Variants in SNTG1 observed in about 807,000 individuals in gnomAD.
SNTG1 encodes the protein syntrophin gamma 1, also known as gamma-1-syntrophin.
A neutral mutation model predicts 74.7 loss-of-function variants in SNTG1; 39 were observed. The ratio of observed to expected loss-of-function variants is 0.52; its 90% confidence interval spans 0.40 to 0.68. SNTG1 has a LOEUF of 0.68. SNTG1 is among the 30% of genes least tolerant of loss of function. SNTG1 has a pLI of 0.00. For missense variants in SNTG1, 685 were observed against 609.5 expected, an observed-to-expected ratio of 1.12 and a Z score of -1.30; for synonymous variants, 254 against 217.1, an observed-to-expected ratio of 1.17 and a Z score of -1.49.
At chr8:50,215,709 G>A (rs2131946832) in intron 2 of SNTG1, among the ~76,000 whole-genome samples, 1 of 151,992 alleles carries the variant, frequency 6.6e-6, no homozygotes, top group Admixed American at 6.6e-5. Context: ...CTTTCAAAAA[G>A]ATTATAGGCA....
At chr8:50,672,273 A>C (rs1230276921) in intron 15 of SNTG1, among the ~76,000 whole-genome samples, 1 of 152,102 alleles carries the variant, frequency 6.6e-6, no homozygotes, top group Non-Finnish European at 1.5e-5. Flanking sequence ...GTGTTCCAAA[A>C]TGGTTGAACT....
intron 13 of SNTG1, among the ~76,000 whole-genome samples, chr8:50,640,433 C>A (rs958259443): frequency 6.6e-6 from 1 of 152,160 alleles, no homozygotes; most frequent in African/African-American, 2.4e-5. Context: ...TCCTGCAGTT[C>A]TCTCAAGTGG....
Position 50,260,528 on chromosome 8 carries a change from G to GACAC in SNTG1, c.-28+87904_-28+87907dup, listed in dbSNP as rs66958047. On this transcript the variant is annotated intron_variant, in intron 2 of 18. Transcript: ENST00000642720. The stretch of plus-strand genomic sequence containing the variant: ...AGCTTTTAACACACACACACACACA[G>GACAC]ACACACACACACACTACACAGTATT... Among the ~76,000 whole-genome samples the GACAC allele has an allele frequency of 2.7e-3, 305 of 114,652 alleles. 3 individuals carry two copies. The highest frequency in any genetic ancestry group is 0.01 in the South Asian group (38 of 3,726). 75.2% of individuals were successfully genotyped at this position (114,652 alleles called of 152,430 possible).
Position 50,224,403 on chromosome 8 carries a change from G to A in SNTG1, c.-28+51768G>A, listed in dbSNP as rs2085225825. Among the ~76,000 whole-genome samples, 2 of 152,270 alleles carry A rather than the reference G, an allele frequency of 1.3e-5. 1 individual carries two copies. The highest frequency in any genetic ancestry group is 4.1e-4 in the South Asian group (2 of 4,832). On this transcript the variant is annotated intron_variant, in intron 2 of 18. Coordinates refer to ENST00000642720, the MANE Select transcript of SNTG1 (RefSeq NM_018967.5). ...AACAAACAGACATGCTTTTACTAAA[G>A]AGCATATGGCTAATCTGTCATGCAG...
In SNTG1 at chr8:50,119,016, C is replaced by A. The variant is rs139030201; in HGVS notation, c.-102-53545C>A. Among the ~76,000 whole-genome samples the A allele has an allele frequency of 6.8e-4, 96 of 140,838 alleles. 11 individuals carry two copies. The East Asian group carries it at 0.018, about 27-fold the overall frequency. The allele number at this position is 140,838 out of a possible 152,430, so 92.4% of individuals were successfully genotyped here. ...CACTGGCTCACAGAAACTAATGAAG[C>A]TTTGGCCCTCCAAACTGCTGTGGTG... is the stretch of plus-strand genomic sequence containing the variant. On this transcript the variant is annotated intron_variant, in intron 1 of 18. Coordinates refer to ENST00000642720, the MANE Select transcript of SNTG1 (RefSeq NM_018967.5).
intron 13 of SNTG1, among the ~76,000 whole-genome samples, chr8:50,598,509 C>A (rs553742259): frequency 6.6e-6 from 1 of 151,782 alleles, no homozygotes; most frequent in Non-Finnish European, 1.5e-5. Context: ...AAAGTCATGT[C>A]GTGTGATGCC....
In SNTG1 at chr8:50,161,745, G is replaced by A. The variant is rs529978713; in HGVS notation, c.-102-10816G>A. 9.4e-4 allele frequency among the ~76,000 whole-genome samples: 142 copies of A among 151,746 alleles called. 1 individual carries two copies. Among genetic ancestry groups the A allele is most frequent in the Admixed American group, 2.0e-3 (30 of 15,236 alleles). On this transcript the variant is annotated intron_variant, in intron 1 of 18. Transcript: ENST00000642720. ...GGAAGCATTCCCACAAAAAAGGTAT[G>A]GAAGAAACAGAAAAGAAAAAGAAAA... is the stretch of plus-strand genomic sequence containing the variant.
At chr8:49,991,105 A>G (rs1310338981) in intron 1 of SNTG1, among the ~76,000 whole-genome samples, 2 of 152,188 alleles carry the variant, frequency 1.3e-5, no homozygotes, top group African/African-American at 4.8e-5. Flanking sequence ...TAAAAAGACA[A>G]TAATTTAACT....
chr8:50,618,334 C>T (rs906343182), intron 13 of SNTG1, among the ~76,000 whole-genome samples: 1 of 152,146 alleles, frequency 6.6e-6, no homozygotes, highest in East Asian at 1.9e-4. Flanking sequence ...TTATTTCATA[C>T]TGAAAGTATT....
At chr8:49,970,522 T>C (rs1386205190) in intron 1 of SNTG1, among the ~76,000 whole-genome samples, 1 of 152,198 alleles carries the variant, frequency 6.6e-6, no homozygotes, top group East Asian at 1.9e-4. Flanking sequence ...GCTTCCAAAA[T>C]AATTAATAGC....
chr8:50,024,663 C>A (rs1228161392), intron 1 of SNTG1, among the ~76,000 whole-genome samples: 1 of 152,066 alleles, frequency 6.6e-6, no homozygotes, highest in African/African-American at 2.4e-5. Flanking sequence ...AAATTAGGCA[C>A]AGTCAGAGAT....
chr8:50,011,920 A>G (rs1424495441), intron 1 of SNTG1: 1 of 152,154 alleles, frequency 6.6e-6, no homozygotes, highest in Non-Finnish European at 1.5e-5. Flanking sequence ...GCTTTCTTTG[A>G]TGGGCAAAGG....
intron 1 of SNTG1, among the ~76,000 whole-genome samples, chr8:50,073,264 G>A (rs1368567508): frequency 6.6e-6 from 1 of 152,152 alleles, no homozygotes; most frequent in Non-Finnish European, 1.5e-5. Context: ...CTATTCACCA[G>A]GAATAGATTC....
chr8:50,561,484 TA>T (rs764648240), intron 12 of SNTG1, among the ~76,000 whole-genome samples: 2 of 152,188 alleles, frequency 1.3e-5, no homozygotes, highest in Non-Finnish European at 2.9e-5. Context: ...TTGTTAATAC[TA>T]GGCAAAGCAA....
intron 1 of SNTG1, among the ~76,000 whole-genome samples, chr8:50,121,771 G>A (rs1315142123): frequency 7.0e-6 from 1 of 141,862 alleles, no homozygotes; most frequent in Non-Finnish European, 1.6e-5. Flanking sequence ...TAAGGTTGGA[G>A]GATTGTTGGA....
At chr8:49,963,268 G>T (rs1428288913) in intron 1 of SNTG1, among the ~76,000 whole-genome samples, 1 of 151,834 alleles carries the variant, frequency 6.6e-6, no homozygotes, top group Non-Finnish European at 1.5e-5. Flanking sequence ...TGTATGAACG[G>T]TTTGCTGCAA....
chr8:50,658,983 C>A (rs769221689), intron 15 of SNTG1, among the ~76,000 whole-genome samples: 5 of 136,506 alleles, frequency 3.7e-5, no homozygotes, highest in Non-Finnish European at 6.6e-5. Context: ...TGAATTTAAA[C>A]GTTGGTTGTT....
intron 2 of SNTG1, among the ~76,000 whole-genome samples, chr8:50,284,845 C>G (rs978250769): frequency 6.6e-6 from 1 of 151,964 alleles, no homozygotes; most frequent in African/African-American, 2.4e-5. Flanking sequence ...AAAATAAACT[C>G]TCCTATATCC....
chr8:50,683,950 A>G (rs2131401214), intron 15 of SNTG1, among the ~76,000 whole-genome samples: 1 of 152,336 alleles, frequency 6.6e-6, no homozygotes, highest in Middle Eastern at 3.4e-3. Context: ...ATTAGGAAAA[A>G]AATTGGTATA....
Sources: allele counts gnomAD v4.1 joint callset (sites outside exome capture counted in the v4.1 genomes callset), GRCh38; gene constraint gnomAD v4.1.1; transcripts MANE v1.5; gene names NCBI Gene and HGNC (gene_info 2026-07-23, HGNC 2026-07-21).